Variants in RAB11FIP4 observed in about 807,000 individuals in gnomAD.
RAB11FIP4 encodes rab11 family-interacting protein 4.
In RAB11FIP4, 23 loss-of-function variants were observed where a neutral mutation model predicts 74.3. That is an observed-to-expected ratio of 0.31 (90% CI 0.22 to 0.44). RAB11FIP4 has a LOEUF of 0.44. Ranked by LOEUF, RAB11FIP4 falls within the 20% of genes least tolerant of loss-of-function variation. RAB11FIP4 has a pLI of 1.00. For missense variants in RAB11FIP4, 630 were observed against 863.9 expected (o/e 0.73, Z 3.39); for synonymous variants, 360 against 359.9 (o/e 1.00, Z 0.00).
rs969637267 is a variant in RAB11FIP4, at chr17:31,394,710, G to A, written c.159+2699G>A. 3.9e-5 allele frequency among the ~76,000 whole-genome samples: 6 copies of A among 152,038 alleles called. No individual in the cohort carries two copies. The South Asian group carries it at 1.0e-3, about 26-fold the overall frequency. ...CACTCTCAGCTGTGCTGCTGCCTGCGGGCTGGAGAAGCAGTGCTTGGTGTG... is the reference window on the plus strand; with the variant it reads ...CACTCTCAGCTGTGCTGCTGCCTGCAGGCTGGAGAAGCAGTGCTTGGTGTG... On this transcript the variant is annotated intron_variant, in intron 1 of 14. Coordinates refer to ENST00000621161, the MANE Select transcript of RAB11FIP4 (RefSeq NM_032932.6).
At chr17:31,497,135 G>A (rs1278759835) in intron 3 of RAB11FIP4, among the ~76,000 whole-genome samples, 4 of 152,114 alleles carry the variant, frequency 2.6e-5, no homozygotes, top group African/African-American at 7.2e-5. Flanking sequence ...AGGCCAACGC[G>A]GGCGGATCAC....
chr17:31,529,111 T>TC (rs1555551189), intron 13 of RAB11FIP4, among the ~76,000 whole-genome samples: 34 of 150,322 alleles, frequency 2.3e-4, no homozygotes, highest in African/African-American at 4.9e-4. Flanking sequence ...TTTTTTTTTT[T>TC]CCCAAGAGAC....
At chr17:31,484,384 T>TA (rs113382556) in intron 3 of RAB11FIP4, among the ~76,000 whole-genome samples, 1,554 of 138,102 alleles carry the variant, frequency 0.011, 17 homozygotes, top group Middle Eastern at 0.022. Context: ...CATTGTCTCT[T>TA]TAAAAAAAAA....
intron 13 of RAB11FIP4, among the ~76,000 whole-genome samples, chr17:31,529,383 C>T (rs1357550932): frequency 6.6e-6 from 1 of 152,110 alleles, no homozygotes; most frequent in Non-Finnish European, 1.5e-5. Context: ...CTACCTCAGC[C>T]TCTCGAGCAG....
chr17:31,502,255 G>A (rs1312119757), intron 3 of RAB11FIP4, among the ~76,000 whole-genome samples: 3 of 151,220 alleles, frequency 2.0e-5, no homozygotes. Context: ...TCAAACCATT[G>A]TAAGTTGAGG....
chr17:31,437,380 G>A (rs1197733839), intron 3 of RAB11FIP4, among the ~76,000 whole-genome samples: 1 of 152,204 alleles, frequency 6.6e-6, no homozygotes, highest in African/African-American at 2.4e-5. Flanking sequence ...TGAGGTGTCA[G>A]AGTGGGCTGG....
chr17:31,534,266 T>C lies in RAB11FIP4; in HGVS notation c.*2534T>C, dbSNP rs956117408. On this transcript the variant is annotated 3_prime_UTR_variant, in exon 15 of 15. Coordinates refer to ENST00000621161, the MANE Select transcript of RAB11FIP4 (RefSeq NM_032932.6). ...GAATAAATATGTTCTATCTAATACA[T>C]GGGACAGATGTTATTTTTAGAGATA... 1.3e-5 allele frequency: 2 copies of C among 152,182 alleles called. No individual in the cohort carries two copies. The highest frequency in any genetic ancestry group is 4.8e-5 in the African/African-American group (2 of 41,436). 9.4% of individuals were successfully genotyped at this position (152,182 alleles called of 1,614,324 possible).
At chr17:31,467,965 T>G (rs1395451356) in intron 3 of RAB11FIP4, among the ~76,000 whole-genome samples, 1 of 152,154 alleles carries the variant, frequency 6.6e-6, no homozygotes, top group African/African-American at 2.4e-5. Flanking sequence ...GTGTTCGAGA[T>G]GACTGGGCCC....
intron 1 of RAB11FIP4, among the ~76,000 whole-genome samples, chr17:31,394,306 C>A (rs1490656505): frequency 1.3e-5 from 2 of 152,210 alleles, no homozygotes; most frequent in Non-Finnish European, 2.9e-5. Flanking sequence ...TGTTTTGTAA[C>A]CTGATTTTTT....
At chr17:31,416,539 G>A (rs2071149768) in intron 1 of RAB11FIP4, among the ~76,000 whole-genome samples, 1 of 152,216 alleles carries the variant, frequency 6.6e-6, no homozygotes, top group Admixed American at 6.5e-5. Flanking sequence ...CCACCGGCCG[G>A]CCTGGGGGTG....
chr17:31,524,414 C>G (rs996388763), intron 9 of RAB11FIP4: 1 of 192,966 alleles, frequency 5.2e-6, no homozygotes, highest in East Asian at 1.3e-4. Context: ...CTGAGCCTGC[C>G]GTTCCTGATG....
At chr17:31,509,006 C>T (rs903545749) in intron 3 of RAB11FIP4, 1 of 152,626 alleles carries the variant, frequency 6.6e-6, no homozygotes, top group Non-Finnish European at 1.5e-5. Flanking sequence ...TGAGTGACCG[C>T]CTTTGCTTTA....
At chr17:31,531,161 G>T in intron 14 of RAB11FIP4, 1 of 164,054 alleles carries the variant, frequency 6.1e-6, no homozygotes, top group Non-Finnish European at 1.3e-5. Context: ...CAACCCCTGG[G>T]CAGAGGCAGC....
In RAB11FIP4 at chr17:31,537,280, C is replaced by A; in HGVS notation, c.*5548C>A. 2.5e-6 allele frequency: 1 copy of A among 398,826 alleles called. No individual in the cohort carries two copies. The highest frequency in any genetic ancestry group is 1.3e-4 in the South Asian group (1 of 7,548). The allele number at this position is 398,826 out of a possible 1,614,324, so 24.7% of individuals were successfully genotyped here. A position where few individuals can be genotyped will look rare whatever the true frequency, so the allele number is the denominator to read the frequency against. ...GCCTCCCCCAGGTGAGGCCAGCTCT[C>A]CCGGGCACATTCGTCCACAAGGATC... is the stretch of plus-strand genomic sequence containing the variant. On this transcript the variant is annotated 3_prime_UTR_variant, in exon 15 of 15. Transcript: ENST00000621161.
At chr17:31,527,709 T>C in intron 10 of RAB11FIP4, 133 bp from the exon 11 acceptor site, 1 of 643,172 alleles carries the variant, frequency 1.6e-6, no homozygotes, top group South Asian at 2.2e-5. Context: ...GACATAATAA[T>C]CATATTCTTT....
At chr17:31,516,731 T>G (rs1017994616) in intron 3 of RAB11FIP4, among the ~76,000 whole-genome samples, 4 of 152,206 alleles carry the variant, frequency 2.6e-5, no homozygotes, top group Non-Finnish European at 5.9e-5. Flanking sequence ...GCCTCCCAAG[T>G]GCTGGGATTA....
intron 1 of RAB11FIP4, among the ~76,000 whole-genome samples, chr17:31,421,250 C>T (rs909910503): frequency 6.6e-5 from 10 of 151,606 alleles, no homozygotes; most frequent in Middle Eastern, 3.4e-3. Context: ...GAGACAGTCT[C>T]GCTCTGTTGC....
chr17:31,460,127 G>C (rs1172301783), intron 3 of RAB11FIP4, among the ~76,000 whole-genome samples: 1 of 152,236 alleles, frequency 6.6e-6, no homozygotes, highest in Non-Finnish European at 1.5e-5. Flanking sequence ...TCATGGTCAG[G>C]CTTTGGGGTC....
intron 1 of RAB11FIP4, among the ~76,000 whole-genome samples, chr17:31,416,809 C>T (rs2151621841): frequency 6.6e-6 from 1 of 152,210 alleles, no homozygotes; most frequent in Middle Eastern, 3.4e-3. Context: ...GGCGGTTTGG[C>T]TACTTCACAG....
Sources: gnomAD v4.1 joint callset for allele counts (sites outside exome capture counted in the v4.1 genomes callset) on GRCh38, gnomAD v4.1.1 for gene constraint, MANE v1.5 for transcripts, NCBI Gene and HGNC (gene_info 2026-07-23, HGNC 2026-07-21) for gene names.